The following KCNK9 variants were observed in gnomAD, a reference collection of about 807,000 sequenced individuals.
The protein encoded by KCNK9 is potassium channel subfamily K member 9.
KCNK9 carries 1 observed loss-of-function variant against 10.8 expected under a neutral mutation model. The ratio of observed to expected loss-of-function variants is 0.09; its 90% CI spans 0.03 to 0.44. The LOEUF is 0.44. KCNK9 is among the 20% of genes least tolerant of loss of function. The pLI is 0.97. For synonymous variants in KCNK9, 231 were observed against 222.7 expected (o/e 1.04, Z -0.33); for missense variants, 303 against 515.0 (o/e 0.59, Z 3.98).
At chr8:139,605,047 G>A (rs1001952228) in intron 2 of KCNK9, among the ~76,000 whole-genome samples, 1 of 152,236 alleles carries the variant, frequency 6.6e-6, no homozygotes, top group Non-Finnish European at 1.5e-5. Context: ...TCCAGGTGGA[G>A]CTCGGGAGCC....
chr8:139,679,346 G>A (rs897224595), intron 1 of KCNK9, among the ~76,000 whole-genome samples: 17 of 152,230 alleles, frequency 1.1e-4, no homozygotes, highest in African/African-American at 4.1e-4. Context: ...GGCACTCCCT[G>A]AGCACGGGGG....
rs1445869036 is a variant in KCNK9 at position 139,618,150 on chromosome 8, A to C, written c.*108T>G. 2 of 1,418,394 alleles carry C rather than the reference A, an allele frequency of 1.4e-6. No individual in the cohort carries two copies. Among genetic ancestry groups the C allele is most frequent in the Admixed American group, 1.8e-5 (1 of 55,414 alleles). 87.9% of individuals were successfully genotyped at this position (1,418,394 alleles called of 1,614,324 possible). On this transcript the variant is annotated 3_prime_UTR_variant, in exon 2 of 2. Coordinates refer to ENST00000520439, the MANE Select transcript of KCNK9 (RefSeq NM_001282534.2). This position sits in a 1 kb window ranked among gnomAD's most constrained non-coding sequence, Gnocchi z 7.9. ...GAAAGGAGGAAGGAGAGAAAGTAAT[A>C]ATGATGACAATAATAATAATAAATA...
intron 1 of KCNK9, among the ~76,000 whole-genome samples, chr8:139,630,385 G>C (rs1815125733): frequency 6.6e-6 from 1 of 152,104 alleles, no homozygotes; most frequent in Non-Finnish European, 1.5e-5. Context: ...CAGAGTCCTG[G>C]GCTCTGCCGC....
At position 139,702,683 on chromosome 8, in the gene KCNK9, G is replaced by C; in HGVS notation, c.283+27C>G. 6.3e-7 allele frequency: 1 copy of C among 1,589,588 alleles called. No individual in the cohort carries two copies. Among genetic ancestry groups the C allele is most frequent in the Admixed American group, 1.7e-5 (1 of 57,924 alleles). On this transcript the variant is annotated intron_variant, in intron 1 of 1. Coordinates refer to ENST00000520439, the MANE Select transcript of KCNK9 (RefSeq NM_001282534.2). The surrounding 1 kb of genome is among the most constrained non-coding windows in gnomAD (Gnocchi z 7.5). ...TCCCCGGACTCCTCCCGGGGCGCGG[G>C]AGCCCAGCGGCGCGCCCAGCCCTTA...
chr8:139,680,542 G>C (rs1475431137), intron 1 of KCNK9, among the ~76,000 whole-genome samples: 1 of 152,182 alleles, frequency 6.6e-6, no homozygotes, highest in Non-Finnish European at 1.5e-5. Flanking sequence ...GGAGGAGGCT[G>C]ACGTGGCCTT....
intron 1 of KCNK9, among the ~76,000 whole-genome samples, chr8:139,688,613 G>T (rs908622534): frequency 6.6e-6 from 1 of 152,100 alleles, no homozygotes; most frequent in East Asian, 1.9e-4. Context: ...ATTTGGGTGG[G>T]GACACAGAGC....
chr8:139,662,032 C>G (rs1021060740), intron 1 of KCNK9, among the ~76,000 whole-genome samples: 1 of 152,192 alleles, frequency 6.6e-6, no homozygotes, highest in Non-Finnish European at 1.5e-5. Flanking sequence ...GCTGGTGGGA[C>G]AGAGGCAGAC....
chr8:139,660,653 A>G (rs1016177059), intron 1 of KCNK9, among the ~76,000 whole-genome samples: 6 of 152,072 alleles, frequency 3.9e-5, no homozygotes, highest in South Asian at 2.1e-4. Flanking sequence ...ATAAATCTGG[A>G]TAAAACTGAC....
chr8:139,639,775 C>T (rs1563729508), intron 1 of KCNK9, among the ~76,000 whole-genome samples: 1 of 152,196 alleles, frequency 6.6e-6, no homozygotes. Context: ...AGGCTGAGGC[C>T]CCCAGAACAA....
chr8:139,702,706 T>A lies in KCNK9; in HGVS notation c.283+4A>T. 1.2e-6 allele frequency: 2 copies of A among 1,606,320 alleles called. No homozygotes were observed. The highest frequency in any genetic ancestry group is 2.2e-5 in the South Asian group (2 of 90,474). On this transcript the variant is annotated splice_donor_region_variant and intron_variant, in intron 1 of 1. Transcript: ENST00000520439. The surrounding 1 kb of genome is among the most constrained non-coding windows in gnomAD (Gnocchi z 7.5). The stretch of plus-strand genomic sequence containing the variant: ...GGGAGCCCAGCGGCGCGCCCAGCCC[T>A]TACCTATGGTGGTGATGACCGTGAT...
In KCNK9 at chr8:139,618,898, A is replaced by G; in HGVS notation, c.485T>C (p.Val162Ala). The G allele has an allele frequency of 6.2e-7, 1 of 1,614,242 alleles. No homozygotes were observed. The highest frequency in any genetic ancestry group is 8.5e-7 in the Non-Finnish European group (1 of 1,180,044). The change falls in exon 2 of 2, where the codon GTG (valine) becomes GCG (alanine). Residue 162 changes from valine to alanine, a missense_variant. This residue lies in a region of KCNK9 where 53 missense variants were observed against 134.9 expected (regional missense o/e 0.39). Coordinates refer to ENST00000520439, the MANE Select transcript of KCNK9 (RefSeq NM_001282534.2). This position sits in a 1 kb window ranked among gnomAD's most constrained non-coding sequence, Gnocchi z 7.9. Reference sequence around the variant, plus strand: ...CGTCCCCATGCAGGAGAAGAAGCCCACAGTCACCATGTTCTCCATAGACAC... The same window carrying G: ...CGTCCCCATGCAGGAGAAGAAGCCCGCAGTCACCATGTTCTCCATAGACAC... ...TDVSMENMVT[V>A]GFFSCMGTLC... is the part of the protein sequence containing the mutation.
chr8:139,628,152 G>A (rs1336899661), intron 1 of KCNK9, among the ~76,000 whole-genome samples: 1 of 152,184 alleles, frequency 6.6e-6, no homozygotes, highest in Non-Finnish European at 1.5e-5. Flanking sequence ...GGTTGTAGGG[G>A]AGGAGGGCGG....
At chr8:139,682,610 T>G (rs1218712045) in intron 1 of KCNK9, among the ~76,000 whole-genome samples, 1 of 152,042 alleles carries the variant, frequency 6.6e-6, no homozygotes, top group Non-Finnish European at 1.5e-5. Flanking sequence ...TGAGGGGTAA[T>G]CAAGAGCTTA....
At chr8:139,666,275 T>A (rs151110361) in intron 1 of KCNK9, among the ~76,000 whole-genome samples, 30 of 152,320 alleles carry the variant, frequency 2.0e-4, no homozygotes, top group African/African-American at 6.5e-4. Context: ...TCCCCATCTG[T>A]AGAATGGAAG....
downstream of KCNK9, among the ~76,000 whole-genome samples, chr8:139,609,666 C>T (rs541820470): frequency 7.9e-5 from 12 of 152,256 alleles, no homozygotes; most frequent in South Asian, 8.3e-4. Context: ...GTGGTGAGGA[C>T]GGGAGGTGAG....
intron 1 of KCNK9, among the ~76,000 whole-genome samples, chr8:139,667,940 C>A (rs1816339785): frequency 6.6e-6 from 1 of 152,070 alleles, no homozygotes; most frequent in African/African-American, 2.4e-5. Context: ...GCTGCACATC[C>A]GCATCACTCC....
At position 139,693,949 on chromosome 8, in the gene KCNK9, G is replaced by C. The variant is rs1259854563; in HGVS notation, c.283+8761C>G. Among the ~76,000 whole-genome samples the C allele has an allele frequency of 6.6e-6, 1 of 152,050 alleles. No homozygotes were observed. The highest frequency in any genetic ancestry group is 1.5e-5 in the Non-Finnish European group (1 of 68,002). On this transcript the variant is annotated intron_variant, in intron 1 of 1. Coordinates refer to ENST00000520439, the MANE Select transcript of KCNK9 (RefSeq NM_001282534.2). This position sits in a 1 kb window ranked among gnomAD's most constrained non-coding sequence, Gnocchi z 4.1. ...AAATCTTACTCCTTGAATGAGCCAG[G>C]GCTTGTATTCCAGTCCATAGCAATC...
rs1814683120 is a variant in KCNK9, at chr8:139,618,818, C to T, written c.565G>A (p.Ala189Thr). Residue 189 changes from alanine to threonine, a missense_variant, in exon 2 of 2, where the codon GCC becomes ACC. Physicochemically the swap from Ala to Thr is moderately conservative, Grantham distance 58. This residue lies in a region of KCNK9 where 53 missense variants were observed against 134.9 expected (regional missense o/e 0.39). Transcript: ENST00000520439. This position sits in a 1 kb window ranked among gnomAD's most constrained non-coding sequence, Gnocchi z 7.9. ...SQCEEWSFFHAYYYCFITLTT... is the reference protein window; with the variant it reads ...SQCEEWSFFHTYYYCFITLTT... ...AACGTGATGAAGCAGTAGTAGTAGG[C>T]GTGGAAGAAGCTCCACTCCTCACAC... 1 of 1,614,222 alleles carries T rather than the reference C, an allele frequency of 6.2e-7. No homozygotes were observed. The highest frequency in any genetic ancestry group is 8.5e-7 in the Non-Finnish European group (1 of 1,180,036).
At chr8:139,614,019 C>A (rs570497950), downstream of KCNK9, among the ~76,000 whole-genome samples, 1 of 152,274 alleles carries the variant, frequency 6.6e-6, no homozygotes, top group South Asian at 2.1e-4. Flanking sequence ...GAAATGGAGC[C>A]ATAAGCCTCA....
Sources: allele counts gnomAD v4.1 joint callset (sites outside exome capture counted in the v4.1 genomes callset), GRCh38; gene constraint gnomAD v4.1.1; regional missense constraint gnomAD v4.1.1; non-coding constraint Gnocchi (gnomAD v3.1); transcripts MANE v1.5; gene names NCBI Gene and HGNC (gene_info 2026-07-23, HGNC 2026-07-21).